Variants in MTPAP observed in about 807,000 individuals in gnomAD.
MTPAP encodes poly(A) RNA polymerase, mitochondrial.
Under a neutral mutation model 48.7 loss-of-function variants are expected in MTPAP, and 23 were observed. The ratio of observed to expected loss-of-function variants is 0.47; its 90% confidence interval spans 0.34 to 0.67. MTPAP has a LOEUF of 0.67. Among genes scored for constraint, MTPAP ranks in the 30% least tolerant of loss-of-function variants. The probability of loss-of-function intolerance (pLI) is 0.01; values close to 1 mark genes in which losing one functional copy is unlikely to be tolerated. For missense variants in MTPAP, 614 were observed against 694.3 expected (o/e 0.88, Z 1.30); for synonymous variants, 257 against 254.1 (o/e 1.01, Z -0.11).
intron 2 of MTPAP, among the ~76,000 whole-genome samples, chr10:30,340,799 AG>A (rs1834795283): frequency 1.3e-5 from 2 of 152,080 alleles, no homozygotes; most frequent in Non-Finnish European, 2.9e-5. Flanking sequence ...GGTGTCTGTA[AG>A]TCCAGCTACT....
rs1840735442 is a variant in MTPAP at position 30,322,382 on chromosome 10, T to C, written c.1219+9A>G. 1.3e-6 allele frequency: 2 copies of C among 1,567,182 alleles called. No individual in the cohort carries two copies. The highest frequency in any genetic ancestry group is 8.8e-7 in the Non-Finnish European group (1 of 1,137,390). On this transcript the variant is annotated intron_variant, in intron 6 of 8. Transcript: ENST00000263063. ...AAAAGAAAATGGAGAAGTTTCTTTC[T>C]AGTCTTACCTGCTAGGGTTTTTAAG... is the stretch of plus-strand genomic sequence containing the variant.
chr10:30,327,994 G>C (rs1332115249), intron 4 of MTPAP, among the ~76,000 whole-genome samples: 1 of 152,070 alleles, frequency 6.6e-6, no homozygotes, highest in Non-Finnish European at 1.5e-5. Flanking sequence ...TAAAATTAGA[G>C]AAGACACAAA....
At chr10:30,348,708 A>T (rs903856270) in intron 1 of MTPAP, 1 of 206,652 alleles carries the variant, frequency 4.8e-6, no homozygotes, top group African/African-American at 2.3e-5. Context: ...ATCAGGCTAC[A>T]ATATAACTCG....
intron 8 of MTPAP, 123 bp from the exon 9 acceptor site, chr10:30,314,094 ATTTC>A (rs1255850488): frequency 5.1e-6 from 6 of 1,175,340 alleles, no homozygotes; most frequent in African/African-American, 1.5e-5. Context: ...ATAGCAAAGA[ATTTC>A]TTTCTCAGGG....
At chr10:30,349,053 T>A in intron 1 of MTPAP, 66 bp downstream of exon 1, 1 of 1,609,022 alleles carries the variant, frequency 6.2e-7, no homozygotes, top group South Asian at 1.1e-5. Context: ...GGCCACGTGT[T>A]TCCCCGTGAT....
At position 30,313,953 on chromosome 10, in the gene MTPAP, G is replaced by A; in HGVS notation, c.1405C>T (p.Pro469Ser). Residue 469 changes from proline (P) to serine (S), a missense_variant, in exon 9 of 9, where the codon CCT becomes TCT. Pro to Ser is a moderately conservative substitution (Grantham distance 74, BLOSUM62 -1). Coordinates refer to ENST00000263063, the MANE Select transcript of MTPAP (RefSeq NM_018109.4). ...NIRQGREQNK[P>S]DSSPLYIQNP... ...TGAATGTACAGAGGAGAAGAATCAG[G>A]TTTGTTTTGCTCCCTTCCCTATAGA... The A allele has an allele frequency of 6.2e-7, 1 of 1,613,680 alleles. No homozygotes were observed. The highest frequency in any genetic ancestry group is 8.5e-7 in the Non-Finnish European group (1 of 1,179,704).
At chr10:30,345,819 G>A (rs1468351944) in intron 1 of MTPAP, among the ~76,000 whole-genome samples, 1 of 152,084 alleles carries the variant, frequency 6.6e-6, no homozygotes, top group Admixed American at 6.6e-5. Context: ...GGTCAGGGAG[G>A]GTGGATCACT....
chr10:30,311,840 T>C lies in MTPAP; in HGVS notation c.*1769A>G, dbSNP rs1334371056. ...CCGCTATGCCCAGGCCTTACTTGCT[T>C]CTTAAATAGAAAGTTACTCCACAGA... On this transcript the variant is annotated 3_prime_UTR_variant, in exon 9 of 9. Transcript: ENST00000263063. The C allele has an allele frequency of 6.6e-6, 1 of 152,328 alleles. No homozygotes were observed. The highest frequency in any genetic ancestry group is 2.4e-5 in the African/African-American group (1 of 41,458). 9.4% of individuals were successfully genotyped at this position (152,328 alleles called of 1,614,324 possible). A position where few individuals can be genotyped will look rare whatever the true frequency, so the allele number is the denominator to read the frequency against.
rs375315383 is a variant in MTPAP at position 30,316,046 on chromosome 10, A to C, written c.1313-10T>G. Reference sequence around the variant, plus strand: ...TCCTTCAGTAGTAATTCTGTAAGAAAATAAAACAAGGACAATCAGAGGAAA... The same window carrying C: ...TCCTTCAGTAGTAATTCTGTAAGAACATAAAACAAGGACAATCAGAGGAAA... On this transcript the variant is annotated splice_polypyrimidine_tract_variant and intron_variant, in intron 7 of 8. Coordinates refer to ENST00000263063, the MANE Select transcript of MTPAP (RefSeq NM_018109.4). 2 of 1,612,138 alleles carry C rather than the reference A, an allele frequency of 1.2e-6. No individual in the cohort carries two copies. Among genetic ancestry groups the C allele is most frequent in the Non-Finnish European group, 8.5e-7 (1 of 1,178,472 alleles).
chr10:30,341,640 C>A lies in MTPAP; in HGVS notation c.158G>T (p.Gly53Val). ...CCTTTTGGGAATCTTGTCTTCAAAGCCTATGAACGAGACAAAAACATTTCC... is the reference window on the plus strand; with the variant it reads ...CCTTTTGGGAATCTTGTCTTCAAAGACTATGAACGAGACAAAAACATTTCC... ...DEQPSGSVET[G>V]FEDKIPKRRF... The change falls in exon 2 of 9, where the codon GGC becomes GTC. Residue 53 changes from glycine to valine, a missense_variant and splice_region_variant. Physicochemically the swap from Gly to Val is moderately radical, Grantham distance 109. Around this residue, in one of 5 missense-constraint regions of MTPAP, gnomAD observed 125 missense variants for 111.5 expected, o/e 1.12. Transcript: ENST00000263063. The A allele has an allele frequency of 1.2e-6, 2 of 1,613,774 alleles. No individual in the cohort carries two copies. The highest frequency in any genetic ancestry group is 1.7e-6 in the Non-Finnish European group (2 of 1,179,984).
At position 30,316,183 on chromosome 10, in the gene MTPAP, C is replaced by G; in HGVS notation, c.1247G>C (p.Gly416Ala). 1.2e-6 allele frequency: 2 copies of G among 1,613,660 alleles called. No individual in the cohort carries two copies. The highest frequency in any genetic ancestry group is 1.7e-6 in the Non-Finnish European group (2 of 1,179,736). ...GTCACGAACAAATGTGCAGTTGTTG[C>G]CTTCTATTACACATTTATCTTCTGC... The part of the protein sequence containing the change: ...ADAEDKCVIE[G>A]NNCTFVRDLS... The change falls in exon 7 of 9, where the codon GGC (glycine) becomes GCC (alanine). Residue 416 changes from glycine (G) to alanine (A), a missense_variant. Around this residue, in one of 5 missense-constraint regions of MTPAP, gnomAD observed 261 missense variants for 355.4 expected, o/e 0.73. Transcript: ENST00000263063.
At chr10:30,323,655 G>A (rs1337889133) in intron 5 of MTPAP, among the ~76,000 whole-genome samples, 1 of 151,768 alleles carries the variant, frequency 6.6e-6, no homozygotes, top group Non-Finnish European at 1.5e-5. Context: ...GACTACAGGC[G>A]CCCACCACCA....
intron 4 of MTPAP, among the ~76,000 whole-genome samples, chr10:30,329,995 A>T (rs866895126): frequency 4.0e-4 from 61 of 152,056 alleles, no homozygotes; most frequent in African/African-American, 1.4e-3. Context: ...TTCTATACGC[A>T]CAGGAAAAAA....
chr10:30,347,620 G>T (rs1056796493), intron 1 of MTPAP, among the ~76,000 whole-genome samples: 1 of 152,176 alleles, frequency 6.6e-6, no homozygotes, highest in African/African-American at 2.4e-5. Context: ...GGCTGGGCGC[G>T]GTGGCTCACG....
chr10:30,319,752 G>A, intron 6 of MTPAP, among the ~76,000 whole-genome samples: 1 of 152,186 alleles, frequency 6.6e-6, no homozygotes, highest in East Asian at 1.9e-4. Flanking sequence ...AGTGTATTTT[G>A]CTTGGCATTT....
intron 3 of MTPAP, 38 bp from the exon 4 acceptor site, chr10:30,337,065 A>T (rs772109483): frequency 8.5e-6 from 13 of 1,527,554 alleles, no homozygotes; most frequent in Middle Eastern, 4.5e-4. Flanking sequence ...ATAGAGAAAA[A>T]GTACAGGTCG....
chr10:30,323,210 T>C (rs986414143), intron 5 of MTPAP, among the ~76,000 whole-genome samples: 4 of 150,952 alleles, frequency 2.6e-5, no homozygotes, highest in Non-Finnish European at 5.9e-5. Flanking sequence ...CCCAGCCCTT[T>C]GGAAGGCTGA....
chr10:30,335,045 G>A (rs1443416236), intron 4 of MTPAP, among the ~76,000 whole-genome samples: 1 of 152,186 alleles, frequency 6.6e-6, no homozygotes, highest in Non-Finnish European at 1.5e-5. Context: ...TAAGAACTTA[G>A]AAAGAACATT....
At chr10:30,339,642 A>C (rs1269035612) in intron 3 of MTPAP, among the ~76,000 whole-genome samples, 2 of 152,226 alleles carry the variant, frequency 1.3e-5, no homozygotes, top group African/African-American at 2.4e-5. Flanking sequence ...CTGTAAGTAC[A>C]AATGGGGCAT....
Sources: gnomAD v4.1 joint callset for allele counts (sites outside exome capture counted in the v4.1 genomes callset) on GRCh38, gnomAD v4.1.1 for gene constraint, gnomAD v4.1.1 regional missense constraint, MANE v1.5 for transcripts, NCBI Gene and HGNC (gene_info 2026-07-23, HGNC 2026-07-21) for gene names.